Variants in CREB3L2 observed in about 807,000 individuals in gnomAD.
CREB3L2 encodes cyclic AMP-responsive element-binding protein 3-like protein 2.
Under a neutral mutation model 57.2 loss-of-function variants are expected in CREB3L2, and 23 were observed. The observed-to-expected ratio is 0.40, with a 90% CI of 0.29 to 0.57. The LOEUF is 0.57. Ranked by LOEUF, CREB3L2 falls within the 20% of genes least tolerant of loss-of-function variation. The pLI, the probability that CREB3L2 is intolerant of heterozygous loss-of-function variation, is 0.42. For synonymous variants in CREB3L2, 268 were observed against 265.1 expected, an observed-to-expected ratio of 1.01 and a Z score of -0.11; for missense variants, 628 against 634.7, an observed-to-expected ratio of 0.99 and a Z score of 0.11.
At chr7:137,956,855 G>C (rs1010473287) in intron 1 of CREB3L2, among the ~76,000 whole-genome samples, 2 of 152,082 alleles carry the variant, frequency 1.3e-5, no homozygotes, top group Non-Finnish European at 2.9e-5. Flanking sequence ...CCTTTTTCTA[G>C]AAAAAGGGAT....
intron 4 of CREB3L2, among the ~76,000 whole-genome samples, chr7:137,911,846 AAAAT>A (rs1800012180): frequency 6.6e-6 from 1 of 152,200 alleles, no homozygotes; most frequent in Non-Finnish European, 1.5e-5. Flanking sequence ...TCACACACAA[AAAAT>A]AAATAAATAA....
chr7:137,965,860 C>G (rs1801398890), intron 1 of CREB3L2, among the ~76,000 whole-genome samples: 1 of 152,216 alleles, frequency 6.6e-6, no homozygotes, highest in African/African-American at 2.4e-5. Flanking sequence ...ATCTAGCCTC[C>G]TCCTCTAGGG....
At chr7:137,998,157 G>A (rs559433530) in intron 1 of CREB3L2, among the ~76,000 whole-genome samples, 1 of 152,216 alleles carries the variant, frequency 6.6e-6, no homozygotes, top group East Asian at 1.9e-4. Flanking sequence ...GTCTGCCTTT[G>A]TCCTTGTAGA....
At chr7:137,985,000 G>T (rs989740304) in intron 1 of CREB3L2, among the ~76,000 whole-genome samples, 3 of 152,146 alleles carry the variant, frequency 2.0e-5, no homozygotes, top group African/African-American at 7.2e-5. Context: ...AGTTTTGCGG[G>T]GAGCTGGGGG....
At chr7:137,961,668 T>G (rs962959094) in intron 1 of CREB3L2, among the ~76,000 whole-genome samples, 1 of 152,166 alleles carries the variant, frequency 6.6e-6, no homozygotes, top group South Asian at 2.1e-4. Context: ...TCTATCTTTC[T>G]CTCAGGTACC....
chr7:137,982,490 G>T (rs761332284), intron 1 of CREB3L2, among the ~76,000 whole-genome samples: 33 of 152,112 alleles, frequency 2.2e-4, no homozygotes, highest in Non-Finnish European at 4.0e-4. Context: ...GACGCAGTGG[G>T]AAGTCATTGA....
intron 1 of CREB3L2, among the ~76,000 whole-genome samples, chr7:137,974,806 T>G (rs1801577212): frequency 6.6e-6 from 1 of 152,206 alleles, no homozygotes; most frequent in African/African-American, 2.4e-5. Context: ...AATGTTTGAC[T>G]GCACCATTTG....
chr7:137,892,553 G>A (rs1391264854), intron 8 of CREB3L2, among the ~76,000 whole-genome samples: 1 of 152,114 alleles, frequency 6.6e-6, no homozygotes, highest in Non-Finnish European at 1.5e-5. Context: ...AGGAGTCTGA[G>A]GAACAAGAAT....
intron 1 of CREB3L2, among the ~76,000 whole-genome samples, chr7:137,950,840 G>A (rs1488106667): frequency 1.3e-5 from 2 of 152,162 alleles, no homozygotes; most frequent in African/African-American, 4.8e-5. Flanking sequence ...TCAAAGGCCT[G>A]GGGAGGCTTT....
At chr7:137,909,201 A>G (rs961368668) in intron 4 of CREB3L2, among the ~76,000 whole-genome samples, 6 of 152,202 alleles carry the variant, frequency 3.9e-5, no homozygotes, top group African/African-American at 1.4e-4. Context: ...CATTCAGAAA[A>G]CATGAAATCC....
chr7:137,953,304 T>C, intron 1 of CREB3L2: 1 of 382,722 alleles, frequency 2.6e-6, no homozygotes, highest in Non-Finnish European at 5.1e-6. Flanking sequence ...AAAACCTGCT[T>C]ACCGCTTAGT....
intron 8 of CREB3L2, 34 bp from the exon 9 acceptor site, chr7:137,885,536 T>G: frequency 6.5e-7 from 1 of 1,531,974 alleles, no homozygotes; most frequent in Non-Finnish European, 9.0e-7. Context: ...GAGGGGAGTC[T>G]GACAGAGAAG....
chr7:137,876,244 C>T lies in CREB3L2; in HGVS notation c.*4232G>A, dbSNP rs141698455. On this transcript the variant is annotated 3_prime_UTR_variant, in exon 12 of 12. Coordinates refer to ENST00000330387, the MANE Select transcript of CREB3L2 (RefSeq NM_194071.4). ...AATAAAAGAATATATACAAAATCTC[C>T]CAGTGACGAGGGATTCCTCAGTCAT... The T allele has an allele frequency of 3.5e-5, 8 of 228,248 alleles. No individual in the cohort carries two copies. The highest frequency in any genetic ancestry group is 7.2e-5 in the African/African-American group (3 of 41,656). 14.1% of individuals were successfully genotyped at this position (228,248 alleles called of 1,614,324 possible).
At chr7:137,965,846 C>T (rs1349428921) in intron 1 of CREB3L2, among the ~76,000 whole-genome samples, 2 of 152,222 alleles carry the variant, frequency 1.3e-5, no homozygotes, top group South Asian at 2.1e-4. Context: ...GAAACACCTA[C>T]TGAATCTAGC....
At chr7:138,000,666 T>C (rs1802058149) in intron 1 of CREB3L2, among the ~76,000 whole-genome samples, 1 of 152,150 alleles carries the variant, frequency 6.6e-6, no homozygotes, top group African/African-American at 2.4e-5. Context: ...AGTGGTTTTC[T>C]CATTAGTGTC....
intron 2 of CREB3L2, among the ~76,000 whole-genome samples, chr7:137,917,676 T>C (rs1800166650): frequency 6.6e-6 from 1 of 152,206 alleles, no homozygotes. Context: ...TTATTAAAAT[T>C]ATGTTTCATA....
Position 137,880,527 on chromosome 7 carries a change from A to C in CREB3L2, c.1512T>G (p.Asn504Lys). Reference sequence around the variant, plus strand: ...CGAGTTCTACAACTTTTAGTGTTTCATTCCCCTCCAGTTTGGCGCTGACCC... The same window carrying C: ...CGAGTTCTACAACTTTTAGTGTTTCCTTCCCCTCCAGTTTGGCGCTGACCC... The part of the protein sequence containing the change: ...QHLVSAKLEG[N>K]ETLKVVELDR... Residue 504 changes from asparagine (N) to lysine (K), a missense_variant, in exon 12 of 12, where the codon AAT (asparagine) becomes AAG (lysine). By Grantham distance (94) the Asn-to-Lys change is moderately conservative (BLOSUM62 0). Around this residue, in one of 3 missense-constraint regions of CREB3L2, gnomAD observed 272 missense variants for 242.7 expected, o/e 1.12. Coordinates refer to ENST00000330387, the MANE Select transcript of CREB3L2 (RefSeq NM_194071.4). This position sits in a 1 kb window ranked among gnomAD's most constrained non-coding sequence, Gnocchi z 4.0. The C allele has an allele frequency of 6.2e-7, 1 of 1,613,940 alleles. No homozygotes were observed. Among genetic ancestry groups the C allele is most frequent in the Non-Finnish European group, 8.5e-7 (1 of 1,179,902 alleles).
chr7:137,949,838 T>C (rs1206617682), intron 1 of CREB3L2, among the ~76,000 whole-genome samples: 5 of 152,216 alleles, frequency 3.3e-5, no homozygotes, highest in African/African-American at 7.2e-5. Context: ...AATGGTGTTA[T>C]TGAGAGTGAT....
intron 1 of CREB3L2, among the ~76,000 whole-genome samples, chr7:137,947,105 T>G (rs1479359649): frequency 2.1e-4 from 31 of 145,796 alleles, no homozygotes; most frequent in South Asian, 8.6e-4. Context: ...TCTCTCTCGC[T>G]CTCTCTCTTC....
Sources: allele counts gnomAD v4.1 joint callset (sites outside exome capture counted in the v4.1 genomes callset), GRCh38; gene constraint gnomAD v4.1.1; regional missense constraint gnomAD v4.1.1; non-coding constraint Gnocchi (gnomAD v3.1); transcripts MANE v1.5; gene names NCBI Gene and HGNC (gene_info 2026-07-23, HGNC 2026-07-21).